Variants in NEAT1 observed in about 807,000 individuals in gnomAD.
NEAT1 encodes the protein nuclear paraspeckle assembly transcript 1.
At chr11:65,425,244 G>A (rs1443284405) in exon 1 of NEAT1, 2 of 152,162 alleles carry the variant, frequency 1.3e-5, no homozygotes, top group Non-Finnish European at 2.9e-5. Flanking sequence ...GCTACAAGGT[G>A]GGGAAGACTG....
At chr11:65,441,857 C>CAAA (rs1856717749) in exon 1 of NEAT1, 1 of 152,172 alleles carries the variant, frequency 6.6e-6, no homozygotes, top group African/African-American at 2.4e-5. Flanking sequence ...TCACGCTTGC[C>CAAA]TACTTTTAAG....
exon 1 of NEAT1, chr11:65,432,051 A>G (rs1267275625): frequency 6.6e-6 from 1 of 152,108 alleles, no homozygotes; most frequent in African/African-American, 2.4e-5. Context: ...ATATTTCTGT[A>G]CTCACCTTTC....
At chr11:65,427,228 A>G (rs1856570401) in exon 1 of NEAT1, 1 of 152,276 alleles carries the variant, frequency 6.6e-6, no homozygotes, top group African/African-American at 2.4e-5. Flanking sequence ...GGTTTTGCTT[A>G]CAGGAGACAA....
At chr11:65,422,814 A>T (rs1457216504) in exon 1 of NEAT1, 1 of 152,618 alleles carries the variant, frequency 6.6e-6, no homozygotes, top group Non-Finnish European at 1.5e-5. Context: ...AGCGACAGGG[A>T]GGGATGCGCG....
exon 1 of NEAT1, chr11:65,424,581 A>G (rs921486353): frequency 2.0e-5 from 3 of 152,210 alleles, no homozygotes; most frequent in Non-Finnish European, 2.9e-5. Context: ...TTAATTTTAA[A>G]TGCCTTAGAC....
exon 1 of NEAT1, chr11:65,424,005 C>T (rs1320287542): frequency 6.6e-6 from 1 of 152,226 alleles, no homozygotes; most frequent in Non-Finnish European, 1.5e-5. Flanking sequence ...ACATGGAGTC[C>T]CTGGCCAGTG....
chr11:65,441,547 ATTATC>A (rs1242855247), exon 1 of NEAT1: 2 of 152,138 alleles, frequency 1.3e-5, no homozygotes, highest in African/African-American at 4.8e-5. Flanking sequence ...TCAAAGTTAT[ATTATC>A]TTAATTACCT....
At chr11:65,428,729 C>T (rs1856585898) in exon 1 of NEAT1, 1 of 152,150 alleles carries the variant, frequency 6.6e-6, no homozygotes, top group African/African-American at 2.4e-5. Flanking sequence ...CCCTCCAGCA[C>T]CTTTCAGCCT....
exon 1 of NEAT1, chr11:65,437,713 G>T (rs781713244): frequency 1.3e-5 from 2 of 152,008 alleles, no homozygotes; most frequent in Non-Finnish European, 2.9e-5. Flanking sequence ...TACACAGAAA[G>T]CTGGTCTTGG....
At chr11:65,429,481 GGTGTGTGTGTGTGTGCGTGTGTGTGT>G (rs1222514003) in exon 1 of NEAT1, 159 of 134,648 alleles carry the variant, frequency 1.2e-3, no homozygotes, top group African/African-American at 4.1e-3. Context: ...GGCCATTTGT[GGTGTGTGTGTGTGTGCGTGTGTGTGT>G]GTGTGTGTGT....
chr11:65,422,877 G>A (rs1023960458), exon 1 of NEAT1: 1 of 152,734 alleles, frequency 6.5e-6, no homozygotes, highest in African/African-American at 2.4e-5. Flanking sequence ...TCAGGGGACA[G>A]ACAGGGAGAG....
At chr11:65,433,151 C>T (rs147638456) in exon 1 of NEAT1, 247 of 152,190 alleles carry the variant, frequency 1.6e-3, no homozygotes, top group African/African-American at 5.6e-3. Flanking sequence ...ACTTGTACTG[C>T]CATCAAGTGT....
chr11:65,444,329 GA>G, exon 1 of NEAT1: 1 of 427,936 alleles, frequency 2.3e-6, no homozygotes, highest in South Asian at 1.6e-5. Flanking sequence ...GTGTAAAAGA[GA>G]GAAGTTGTGG....
chr11:65,440,824 CAG>C (rs1856707321), exon 1 of NEAT1: 3 of 114,148 alleles, frequency 2.6e-5, no homozygotes, highest in Non-Finnish European at 4.9e-5. Context: ...GCCTGGGTGA[CAG>C]AGCAAGATTC....
chr11:65,439,776 G>C (rs779268787), exon 1 of NEAT1: 2 of 152,042 alleles, frequency 1.3e-5, no homozygotes, highest in Admixed American at 6.6e-5. Flanking sequence ...TAAGGTCTTG[G>C]GGGGGGTGTC....
exon 1 of NEAT1, chr11:65,427,833 C>T (rs985775987): frequency 1.3e-5 from 2 of 152,172 alleles, no homozygotes; most frequent in African/African-American, 4.8e-5. Context: ...TGGAAGATAA[C>T]TGCTATAGAT....
chr11:65,429,796 G>GT (rs1445835201), exon 1 of NEAT1: 1 of 151,996 alleles, frequency 6.6e-6, no homozygotes. Context: ...GTATGGTTTC[G>GT]TTTTTTACAT....
At chr11:65,438,302 A>G (rs886749130) in exon 1 of NEAT1, 2 of 152,192 alleles carry the variant, frequency 1.3e-5, no homozygotes, top group South Asian at 4.1e-4. Flanking sequence ...CTTAATATTT[A>G]TGTATGTATT....
At chr11:65,443,370 GTCT>G (rs1205540776) in exon 1 of NEAT1, 4 of 152,242 alleles carry the variant, frequency 2.6e-5, no homozygotes, top group East Asian at 3.8e-4. Flanking sequence ...ACACTCCGCT[GTCT>G]TCTTGTTTGC....
Sources: allele counts gnomAD v4.1 joint callset, GRCh38; gene constraint gnomAD v4.1.1; transcripts MANE v1.5; gene names NCBI Gene and HGNC (gene_info 2026-07-23, HGNC 2026-07-21).